Variants in PAM observed in about 807,000 individuals in gnomAD.
The protein encoded by PAM is peptidylglycine alpha-amidating monooxygenase.
Under a neutral mutation model 122.1 loss-of-function variants are expected in PAM, and 72 were observed. That is an observed-to-expected ratio of 0.59 (90% CI 0.49 to 0.72). The LOEUF (loss-of-function observed/expected upper bound fraction) is 0.72, where lower values mean the gene tolerates loss of function less well. PAM is among the 30% of genes least tolerant of loss of function. The probability of loss-of-function intolerance (pLI) is 0.00; values close to 1 mark genes in which losing one functional copy is unlikely to be tolerated. For synonymous variants in PAM, 389 were observed against 404.4 expected (o/e 0.96, Z 0.46); for missense variants, 1,106 against 1,183.7 (o/e 0.93, Z 0.96).
chr5:102,913,860 A>G (rs776245447), intron 4 of PAM, 74 bp from the exon 5 acceptor site: 44 of 836,848 alleles, frequency 5.3e-5, no homozygotes, highest in Non-Finnish European at 8.4e-5. Context: ...GAACTGTTCA[A>G]AGATGTATTT....
chr5:102,915,469 CAG>C (rs1229336611), intron 5 of PAM, among the ~76,000 whole-genome samples: 1 of 152,106 alleles, frequency 6.6e-6, no homozygotes, highest in East Asian at 1.9e-4. Flanking sequence ...TATGTAAAAA[CAG>C]AGTCAGCAAA....
intron 5 of PAM, among the ~76,000 whole-genome samples, chr5:102,924,521 T>C (rs1435481872): frequency 6.6e-6 from 1 of 152,030 alleles, no homozygotes; most frequent in Non-Finnish European, 1.5e-5. Context: ...TAGGCACTGT[T>C]TGTTGCTTTG....
chr5:102,768,048 G>A (rs141108686), intron 1 of PAM, among the ~76,000 whole-genome samples: 1 of 152,210 alleles, frequency 6.6e-6, no homozygotes, highest in East Asian at 1.9e-4. Context: ...GGAGACCAGT[G>A]CACAGCAAGC....
At chr5:103,002,327 T>C (rs907618385) in intron 16 of PAM, among the ~76,000 whole-genome samples, 1 of 152,112 alleles carries the variant, frequency 6.6e-6, no homozygotes, top group Non-Finnish European at 1.5e-5. Flanking sequence ...TATAATAATC[T>C]AAAAGGTACT....
intron 1 of PAM, among the ~76,000 whole-genome samples, chr5:102,839,924 T>C (rs1455293662): frequency 2.0e-5 from 3 of 152,164 alleles, no homozygotes; most frequent in Non-Finnish European, 1.5e-5. Context: ...ACAAACATCA[T>C]ATATGATGCT....
Position 102,974,253 on chromosome 5 carries a change from G to A in PAM, c.1300G>A (p.Asp434Asn). 3 of 1,614,040 alleles carry A rather than the reference G, an allele frequency of 1.9e-6. No individual in the cohort carries two copies. The highest frequency in any genetic ancestry group is 2.5e-6 in the Non-Finnish European group (3 of 1,179,932). The change falls in exon 15 of 26, where the codon GAT becomes AAT. Residue 434 changes from aspartate to asparagine, a missense_variant. Asp to Asn is a conservative substitution (Grantham distance 23, BLOSUM62 1). Coordinates refer to ENST00000438793, the MANE Select transcript of PAM (RefSeq NM_001177306.2). ...AEIANVVQKK[D>N]LGRSDAREGA... ...GATTGCAAATGTAGTCCAAAAAAAG[G>A]ATCTTGGTCGATCTGATGCCAGAGA...
In PAM at chr5:102,766,926, ATTTTTTT is replaced by A; in HGVS notation, c.-374+11603_-374+11609del. ...ATTTATTTTATTGCTTCAGTTGTGG[ATTTTTTT>A]TTTTTTTTTTTTTTTTTTTTTTTTG... On this transcript the variant is annotated intron_variant, in intron 1 of 25. Coordinates refer to ENST00000438793, the MANE Select transcript of PAM (RefSeq NM_001177306.2). Among the ~76,000 whole-genome samples, 65 of 25,846 alleles carry A rather than the reference ATTTTTTT, an allele frequency of 2.5e-3. 1 individual carries two copies. The highest frequency in any genetic ancestry group is 2.8e-3 in the East Asian group (2 of 702). 17.0% of individuals were successfully genotyped at this position (25,846 alleles called of 152,430 possible). A position where few individuals can be genotyped will look rare whatever the true frequency, so the allele number is the denominator to read the frequency against.
chr5:102,940,430 A>G (rs928694072), intron 7 of PAM, among the ~76,000 whole-genome samples: 90 of 148,270 alleles, frequency 6.1e-4, no homozygotes, highest in African/African-American at 2.2e-3. Flanking sequence ...TTTAAAGTGT[A>G]TATATATATA....
chr5:102,899,824 G>T (rs1236202048), intron 3 of PAM, among the ~76,000 whole-genome samples: 1 of 151,666 alleles, frequency 6.6e-6, no homozygotes. Context: ...AGAAGCTGGG[G>T]TGTGGTGAGG....
At chr5:102,861,312 G>A (rs1267152148) in intron 1 of PAM, among the ~76,000 whole-genome samples, 2 of 152,172 alleles carry the variant, frequency 1.3e-5, no homozygotes, top group Non-Finnish European at 2.9e-5. Context: ...GGGATAATTA[G>A]ATATGCAGCA....
chr5:102,920,197 C>T (rs1340791794), intron 5 of PAM, among the ~76,000 whole-genome samples: 1 of 151,912 alleles, frequency 6.6e-6, no homozygotes, highest in African/African-American at 2.4e-5. Context: ...CTTGATTGGG[C>T]CATCATGAAG....
chr5:102,811,318 G>A (rs1376910079), intron 1 of PAM, among the ~76,000 whole-genome samples: 1 of 152,186 alleles, frequency 6.6e-6, no homozygotes, highest in African/African-American at 2.4e-5. Flanking sequence ...GGAGGCTCTA[G>A]GGGAGAATTC....
intron 1 of PAM, among the ~76,000 whole-genome samples, chr5:102,778,237 G>T (rs1280539396): frequency 2.0e-5 from 3 of 152,070 alleles, no homozygotes; most frequent in South Asian, 2.1e-4. Flanking sequence ...CTTCTGCATG[G>T]TCCTTGATTT....
intron 3 of PAM, among the ~76,000 whole-genome samples, chr5:102,867,638 G>A (rs1487766860): frequency 2.0e-5 from 3 of 152,050 alleles, no homozygotes; most frequent in Admixed American, 6.5e-5. Context: ...ATGGAATGTC[G>A]AAAATTTACA....
At chr5:102,796,263 T>C (rs174015) in intron 1 of PAM, among the ~76,000 whole-genome samples, 55,006 of 151,978 alleles carry the variant, frequency 0.36, 10,192 homozygotes, top group East Asian at 0.4. Flanking sequence ...AAAGGTCACC[T>C]GCAATCCATG....
At chr5:102,774,157 A>T (rs534844369) in intron 1 of PAM, among the ~76,000 whole-genome samples, 8 of 152,112 alleles carry the variant, frequency 5.3e-5, no homozygotes, top group Non-Finnish European at 1.2e-4. Flanking sequence ...TATTGTGAAT[A>T]GCGCTGCAGT....
intron 5 of PAM, among the ~76,000 whole-genome samples, chr5:102,915,294 C>G (rs942941004): frequency 1.3e-5 from 2 of 151,998 alleles, no homozygotes; most frequent in African/African-American, 4.8e-5. Context: ...GCTCTCTTGT[C>G]GTTTTTGTAA....
chr5:102,968,792 G>A (rs1438687), intron 14 of PAM, among the ~76,000 whole-genome samples: 51,822 of 151,860 alleles, frequency 0.34, 9,110 homozygotes, highest in East Asian at 0.43. Context: ...ATGCACACAT[G>A]CGTTTATTGC....
At chr5:102,993,205 A>G (rs191825331) in intron 16 of PAM, among the ~76,000 whole-genome samples, 93 of 152,200 alleles carry the variant, frequency 6.1e-4, no homozygotes, top group African/African-American at 2.0e-3. Context: ...AGAAATGCCT[A>G]TTGCCAGCAG....
Sources: gnomAD v4.1 joint callset for allele counts (sites outside exome capture counted in the v4.1 genomes callset) on GRCh38, gnomAD v4.1.1 for gene constraint, MANE v1.5 for transcripts, NCBI Gene and HGNC (gene_info 2026-07-23, HGNC 2026-07-21) for gene names.